MCHR2: variants seen among roughly 807,000 people sequenced by gnomAD.
The protein encoded by MCHR2 is melanin concentrating hormone receptor 2.
MCHR2 carries 15 observed loss-of-function variants against 24.8 expected under a neutral mutation model. That is an observed-to-expected ratio of 0.60 (90% CI 0.40 to 0.93). The LOEUF (loss-of-function observed/expected upper bound fraction) is 0.93, where lower values mean the gene tolerates loss of function less well. Ranked by LOEUF, MCHR2 falls within the 40% of genes least tolerant of loss-of-function variation. The probability of loss-of-function intolerance (pLI) is 0.00; values close to 1 mark genes in which losing one functional copy is unlikely to be tolerated. For synonymous variants in MCHR2, 151 were observed against 147.6 expected (o/e 1.02, Z -0.17); for missense variants, 386 against 408.7 (o/e 0.94, Z 0.48).
intron 1 of MCHR2, among the ~76,000 whole-genome samples, chr6:99,971,154 G>A (rs933286206): frequency 1.3e-5 from 2 of 152,170 alleles, no homozygotes; most frequent in Non-Finnish European, 2.9e-5. Flanking sequence ...ATCTTGGGCA[G>A]TATGGCCATT....
intron 1 of MCHR2, among the ~76,000 whole-genome samples, chr6:99,976,053 G>T (rs187648770): frequency 6.6e-6 from 1 of 152,262 alleles, no homozygotes; most frequent in Admixed American, 6.5e-5. Context: ...CTAGGGGAAG[G>T]TCTTTAGGAA....
chr6:99,991,700 T>C lies in MCHR2; in HGVS notation c.-28+2236A>G, dbSNP rs191883076. On this transcript the variant is annotated intron_variant, in intron 1 of 5. Transcript: ENST00000281806. Reference sequence around the variant, plus strand: ...TGGGCGCCTGTAGTCCCAGCTACTCTGCAGGCTGAGGCAGGAGAATGGCGA... The same window carrying C: ...TGGGCGCCTGTAGTCCCAGCTACTCCGCAGGCTGAGGCAGGAGAATGGCGA... 7.0e-3 allele frequency among the ~76,000 whole-genome samples: 1,053 copies of C among 149,376 alleles called. 9 individuals carry two copies. The highest frequency in any genetic ancestry group is 0.016 in the South Asian group (77 of 4,746).
intron 5 of MCHR2, among the ~76,000 whole-genome samples, chr6:99,923,435 C>T (rs1367664838): frequency 6.6e-6 from 1 of 151,958 alleles, no homozygotes; most frequent in African/African-American, 2.4e-5. Flanking sequence ...TGTTAAATAA[C>T]AGTGGTGAAA....
At position 99,994,132 on chromosome 6, in the gene MCHR2, T is replaced by A; in HGVS notation, c.-224A>T. ...CCCACCTCCATTTCCAAAGCGGGGG[T>A]CCAGGCACAGGAACAGCCAAACGCC... is the stretch of plus-strand genomic sequence containing the variant. On this transcript the variant is annotated 5_prime_UTR_variant, in exon 1 of 6. Transcript: ENST00000281806. 1 of 152,124 alleles carries A rather than the reference T, an allele frequency of 6.6e-6. No homozygotes were observed. Among genetic ancestry groups the A allele is most frequent in the Non-Finnish European group, 1.5e-5 (1 of 68,098 alleles). The allele number at this position is 152,124 out of a possible 1,614,324, so 9.4% of individuals were successfully genotyped here.
At chr6:99,944,682 T>C (rs900167846) in intron 3 of MCHR2, among the ~76,000 whole-genome samples, 2 of 152,122 alleles carry the variant, frequency 1.3e-5, no homozygotes, top group African/African-American at 2.4e-5. Flanking sequence ...AGTGACTGCA[T>C]AGCAGCCCAG....
intron 5 of MCHR2, among the ~76,000 whole-genome samples, chr6:99,922,531 T>A (rs1774260031): frequency 6.6e-6 from 1 of 152,192 alleles, no homozygotes; most frequent in African/African-American, 2.4e-5. Flanking sequence ...AGTCTTAGAT[T>A]TAAGTCTTTA....
intron 5 of MCHR2, among the ~76,000 whole-genome samples, chr6:99,931,319 A>G (rs995697496): frequency 6.6e-6 from 1 of 152,206 alleles, no homozygotes; most frequent in Non-Finnish European, 1.5e-5. Context: ...CAGTCTGCCC[A>G]TTCTCAGATC....
intron 5 of MCHR2, among the ~76,000 whole-genome samples, chr6:99,922,190 T>C (rs1417683410): frequency 6.7e-6 from 1 of 149,332 alleles, no homozygotes; most frequent in African/African-American, 2.5e-5. Flanking sequence ...CACTGCCAGC[T>C]CCGCCTCCTG....
At chr6:99,985,204 T>C (rs138257017) in intron 1 of MCHR2, among the ~76,000 whole-genome samples, 8 of 152,156 alleles carry the variant, frequency 5.3e-5, no homozygotes, top group African/African-American at 1.9e-4. Context: ...AAAAGCATCC[T>C]ATGCTCATGA....
chr6:99,989,843 T>C (rs1280591623), intron 1 of MCHR2, among the ~76,000 whole-genome samples: 1 of 152,150 alleles, frequency 6.6e-6, no homozygotes, highest in Non-Finnish European at 1.5e-5. Context: ...TAGTACACAA[T>C]TTTATAACAT....
chr6:99,991,971 T>C (rs781255481), intron 1 of MCHR2, among the ~76,000 whole-genome samples: 10 of 152,222 alleles, frequency 6.6e-5, no homozygotes, highest in Non-Finnish European at 2.9e-5. Flanking sequence ...CCCACCTGTA[T>C]ATATTTCATT....
At chr6:99,988,881 G>A (rs1775815248) in intron 1 of MCHR2, among the ~76,000 whole-genome samples, 1 of 152,104 alleles carries the variant, frequency 6.6e-6, no homozygotes, top group African/African-American at 2.4e-5. Flanking sequence ...GGCATACTGG[G>A]TTTCTCTTCC....
intron 1 of MCHR2, among the ~76,000 whole-genome samples, chr6:99,985,648 G>T (rs1775755621): frequency 6.6e-6 from 1 of 152,052 alleles, no homozygotes; most frequent in Non-Finnish European, 1.5e-5. Flanking sequence ...AATTGGACAT[G>T]CATCTCTCAG....
intron 3 of MCHR2, among the ~76,000 whole-genome samples, chr6:99,943,705 C>T (rs115214016): frequency 0.019 from 2,956 of 152,200 alleles, 108 homozygotes; most frequent in African/African-American, 0.068. Flanking sequence ...GTAGAGAAAA[C>T]AATTCTTGAC....
chr6:99,942,878 C>T, intron 4 of MCHR2, 71 bp downstream of exon 4: 6 of 1,335,480 alleles, frequency 4.5e-6, no homozygotes, highest in Non-Finnish European at 6.2e-6. Flanking sequence ...AGGCTGCTCA[C>T]ATGTTGACAA....
intron 2 of MCHR2, among the ~76,000 whole-genome samples, chr6:99,953,683 G>A (rs1303891703): frequency 7.9e-6 from 1 of 126,928 alleles, no homozygotes; most frequent in Non-Finnish European, 1.7e-5. Context: ...TTAGATAGAC[G>A]CTGCTTTTTT....
At chr6:99,985,801 C>T (rs1186201952) in intron 1 of MCHR2, among the ~76,000 whole-genome samples, 1 of 151,982 alleles carries the variant, frequency 6.6e-6, no homozygotes, top group Non-Finnish European at 1.5e-5. Context: ...AAAAGAAATA[C>T]AACAAAAACA....
Position 99,919,835 on chromosome 6 carries a change from C to A in MCHR2, c.*1105G>T, listed in dbSNP as rs1188899806. 2 of 150,944 alleles carry A rather than the reference C, an allele frequency of 1.3e-5. No homozygotes were observed. The highest frequency in any genetic ancestry group is 4.9e-5 in the African/African-American group (2 of 41,092). The allele number at this position is 150,944 out of a possible 1,614,324, so 9.4% of individuals were successfully genotyped here. ...CTCCACCTCCTGGGTTCAAGCAATT[C>A]TCCTGCCTCAGCCTCCTGAGTAGCT... On this transcript the variant is annotated 3_prime_UTR_variant, in exon 6 of 6. Coordinates refer to ENST00000281806, the MANE Select transcript of MCHR2 (RefSeq NM_001040179.2).
chr6:99,926,299 A>G (rs9495877), intron 5 of MCHR2, among the ~76,000 whole-genome samples: 150,147 of 152,176 alleles, frequency 0.99, 74,094 homozygotes, highest in Middle Eastern at 1. Flanking sequence ...AAACATACGT[A>G]TGCATGTGTC....
Sources: gnomAD v4.1 joint callset for allele counts (sites outside exome capture counted in the v4.1 genomes callset) on GRCh38, gnomAD v4.1.1 for gene constraint, MANE v1.5 for transcripts, NCBI Gene and HGNC (gene_info 2026-07-23, HGNC 2026-07-21) for gene names.